The following IRAK2 variants were observed in gnomAD, a reference collection of about 807,000 sequenced individuals.
IRAK2 encodes interleukin-1 receptor-associated kinase-like 2.
In IRAK2, 57 loss-of-function variants were observed where a neutral mutation model predicts 72.0. That is an observed-to-expected ratio of 0.79 (90% confidence interval 0.64 to 0.99). The LOEUF (loss-of-function observed/expected upper bound fraction) is 0.99. IRAK2 is among the 50% of genes least tolerant of loss of function. The pLI is 0.00. For synonymous variants in IRAK2, 293 were observed against 312.7 expected, an observed-to-expected ratio of 0.94 and a Z score of 0.67; for missense variants, 790 against 794.4, an observed-to-expected ratio of 0.99 and a Z score of 0.07.
At chr3:10,175,890 CAAAAA>C (rs59718922) in intron 1 of IRAK2, among the ~76,000 whole-genome samples, 16 of 53,696 alleles carry the variant, frequency 3.0e-4, no homozygotes, top group Admixed American at 1.1e-3. Context: ...GACTCCGTCT[CAAAAA>C]AAAAAAAAAA....
Position 10,185,553 on chromosome 3 carries a change from C to T in IRAK2, c.277+7533C>T, listed in dbSNP as rs187698394. ...AGCCTGGGCAACAAGAGTGAAACTC[C>T]GTCTCAAAAAAAAAAAAAAAAAAAA... is the stretch of plus-strand genomic sequence containing the variant. On this transcript the variant is annotated intron_variant, in intron 2 of 12. Transcript: ENST00000256458. Among the ~76,000 whole-genome samples, 13 of 101,928 alleles carry T rather than the reference C, an allele frequency of 1.3e-4. 1 individual carries two copies. Among genetic ancestry groups the T allele is most frequent in the African/African-American group, 5.9e-4 (13 of 22,040 alleles). 66.9% of individuals were successfully genotyped at this position (101,928 alleles called of 152,430 possible).
chr3:10,242,000 G>C, intron 12 of IRAK2, 116 bp from the exon 13 acceptor site: 1 of 426,182 alleles, frequency 2.3e-6, no homozygotes, highest in Non-Finnish European at 4.0e-6. Context: ...AAAAAAAAAA[G>C]AAATGCTCAT....
chr3:10,197,815 G>A (rs963573949), intron 2 of IRAK2, among the ~76,000 whole-genome samples: 43 of 150,474 alleles, frequency 2.9e-4, no homozygotes, highest in Non-Finnish European at 5.9e-5. Context: ...TTGTGCCACT[G>A]CACTCTAGCC....
chr3:10,214,450 T>C (rs1340972776), intron 6 of IRAK2, among the ~76,000 whole-genome samples: 1 of 146,102 alleles, frequency 6.8e-6, no homozygotes, highest in Non-Finnish European at 1.5e-5. Flanking sequence ...AGGCTGGTGT[T>C]GAGCTCCCGG....
chr3:10,194,926 T>C (rs1009594710), intron 2 of IRAK2, among the ~76,000 whole-genome samples: 8 of 152,144 alleles, frequency 5.3e-5, no homozygotes, highest in Non-Finnish European at 1.2e-4. Flanking sequence ...CTGGTGCCTC[T>C]TGTGTGGGAG....
intron 7 of IRAK2, among the ~76,000 whole-genome samples, chr3:10,219,050 T>A (rs1190011161): frequency 2.6e-5 from 4 of 151,962 alleles, no homozygotes; most frequent in Non-Finnish European, 5.9e-5. Flanking sequence ...ATACAAAAAT[T>A]AGTTGAGAGT....
chr3:10,241,924 A>T (rs535163295), intron 12 of IRAK2, among the ~76,000 whole-genome samples, 192 bp from the exon 13 acceptor site: 11 of 147,544 alleles, frequency 7.5e-5, no homozygotes, highest in Non-Finnish European at 1.7e-4. Flanking sequence ...CTTGAGCTGA[A>T]ATTGTGCCAC....
rs1360041846 is a variant in IRAK2 at position 10,234,646 on chromosome 3, C to G, written c.1460C>G (p.Thr487Ser). 2 of 1,612,704 alleles carry G rather than the reference C, an allele frequency of 1.2e-6. No homozygotes were observed. Among genetic ancestry groups the G allele is most frequent in the Non-Finnish European group, 1.7e-6 (2 of 1,179,626 alleles). The change falls in exon 11 of 13, where the codon ACC becomes AGC. Residue 487 changes from threonine (T) to serine (S), a missense_variant. Coordinates refer to ENST00000256458, the MANE Select transcript of IRAK2 (RefSeq NM_001570.4). ...AACLCLRRRNTSLQEVCGSVA... is the reference protein window; with the variant it reads ...AACLCLRRRNSSLQEVCGSVA... ...TGCCTGTGCCTGCGGAGGCGTAACA[C>G]CAGCCTGCAGGAGGTGAGCCTCGCC...
At position 10,194,438 on chromosome 3, in the gene IRAK2, G is replaced by A. The variant is rs557784440; in HGVS notation, c.278-5931G>A. On this transcript the variant is annotated intron_variant, in intron 2 of 12. Coordinates refer to ENST00000256458, the MANE Select transcript of IRAK2 (RefSeq NM_001570.4). ...CCTGTCTATCTGTGATAAGAAGTCC[G>A]TGAGCAGCTCACTCCTGAGCCTTGG... Among the ~76,000 whole-genome samples the A allele has an allele frequency of 8.5e-5, 13 of 152,324 alleles. 1 individual carries two copies. Among genetic ancestry groups the A allele is most frequent in the African/African-American group, 2.6e-4 (11 of 41,584 alleles).
chr3:10,187,775 A>G (rs1179729616), intron 2 of IRAK2, among the ~76,000 whole-genome samples: 1 of 152,184 alleles, frequency 6.6e-6, no homozygotes, highest in Non-Finnish European at 1.5e-5. Flanking sequence ...AGATCAATAT[A>G]CTTTGTGAGT....
At position 10,222,695 on chromosome 3, in the gene IRAK2, T is replaced by C; in HGVS notation, c.1073T>C (p.Leu358Pro). The C allele has an allele frequency of 6.2e-7, 1 of 1,614,232 alleles. No individual in the cohort carries two copies. Among genetic ancestry groups the C allele is most frequent in the Non-Finnish European group, 8.5e-7 (1 of 1,180,038 alleles). ...TPKLAHPMAH[L>P]CPVNKRSKYT... ...AAACTTGCTCACCCAATGGCTCATCTGTGTCCTGTCAACAAAAGGTCAAAA... is the reference window on the plus strand; with the variant it reads ...AAACTTGCTCACCCAATGGCTCATCCGTGTCCTGTCAACAAAAGGTCAAAA... Residue 358 changes from leucine to proline, a missense_variant, in exon 9 of 13, where the codon CTG (leucine) becomes CCG (proline). Coordinates refer to ENST00000256458, the MANE Select transcript of IRAK2 (RefSeq NM_001570.4).
intron 4 of IRAK2, among the ~76,000 whole-genome samples, chr3:10,212,958 C>T (rs11465892): frequency 0.32 from 48,477 of 151,066 alleles, 8,201 homozygotes; most frequent in Non-Finnish European, 0.38. Context: ...TTAGTAGAGA[C>T]GGGGTTTCAC....
intron 2 of IRAK2, among the ~76,000 whole-genome samples, chr3:10,186,489 C>T (rs902164619): frequency 2.6e-5 from 4 of 151,660 alleles, no homozygotes; most frequent in African/African-American, 9.8e-5. Flanking sequence ...TCCTCACCCC[C>T]CAATTTAATG....
At chr3:10,218,617 C>T (rs1439162182) in intron 7 of IRAK2, among the ~76,000 whole-genome samples, 2 of 152,032 alleles carry the variant, frequency 1.3e-5, no homozygotes, top group African/African-American at 4.8e-5. Flanking sequence ...AGCTCCCTAG[C>T]TCCTCTCCCA....
At chr3:10,165,430 G>T (rs907643839) in intron 1 of IRAK2, among the ~76,000 whole-genome samples, 57 of 145,502 alleles carry the variant, frequency 3.9e-4, no homozygotes, top group South Asian at 1.4e-3. Context: ...ACTTCTTGGG[G>T]GGGTGTGTGT....
intron 1 of IRAK2, among the ~76,000 whole-genome samples, chr3:10,173,733 G>A (rs1467727854): frequency 2.6e-5 from 4 of 152,150 alleles, no homozygotes. Context: ...GCTGAGGCAG[G>A]AGAATTGCTT....
intron 2 of IRAK2, among the ~76,000 whole-genome samples, chr3:10,193,617 T>C (rs2125149142): frequency 6.6e-6 from 1 of 152,314 alleles, no homozygotes; most frequent in African/African-American, 2.4e-5. Context: ...AGCAAGACTC[T>C]GCCTCAAAAA....
At chr3:10,168,034 C>T (rs11928825) in intron 1 of IRAK2, among the ~76,000 whole-genome samples, 1,895 of 151,850 alleles carry the variant, frequency 0.012, 42 homozygotes, top group African/African-American at 0.044. Context: ...GGAGCTCAAG[C>T]GATCTGCCCA....
intron 10 of IRAK2, among the ~76,000 whole-genome samples, chr3:10,231,048 GC>G (rs1357473645): frequency 6.6e-6 from 1 of 152,038 alleles, no homozygotes; most frequent in Non-Finnish European, 1.5e-5. Context: ...GTGCCCTCAC[GC>G]CCAGCTAATT....
Sources: allele counts gnomAD v4.1 joint callset (sites outside exome capture counted in the v4.1 genomes callset), GRCh38; gene constraint gnomAD v4.1.1; transcripts MANE v1.5; gene names NCBI Gene and HGNC (gene_info 2026-07-23, HGNC 2026-07-21).